DLGAP2: variants seen among roughly 807,000 people sequenced by gnomAD.
DLGAP2 encodes disks large-associated protein 2.
DLGAP2 carries 26 observed loss-of-function variants against 100.3 expected under a neutral mutation model. The observed-to-expected ratio is 0.26, with a 90% CI of 0.19 to 0.36. The LOEUF (loss-of-function observed/expected upper bound fraction) is 0.36, where lower values mean the gene tolerates loss of function less well. DLGAP2 is among the 10% of genes least tolerant of loss of function. The pLI is 1.00. For missense variants in DLGAP2, 1,858 were observed against 1,453.2 expected (o/e 1.28, Z -4.53); for synonymous variants, 886 against 630.1 (o/e 1.41, Z -6.08).
At chr8:1,092,022 C>T (rs907711477) in intron 2 of DLGAP2, among the ~76,000 whole-genome samples, 13 of 152,286 alleles carry the variant, frequency 8.5e-5, no homozygotes, top group Admixed American at 3.9e-4. Context: ...CAAAACACAG[C>T]GTCAGAGAGC....
At chr8:950,467 C>T (rs933260952) in intron 2 of DLGAP2, among the ~76,000 whole-genome samples, 1 of 152,110 alleles carries the variant, frequency 6.6e-6, no homozygotes. Flanking sequence ...TATGAAGGAA[C>T]ATTTGGTATA....
At chr8:822,975 G>A (rs1404735795) in intron 1 of DLGAP2, among the ~76,000 whole-genome samples, 2 of 152,146 alleles carry the variant, frequency 1.3e-5, no homozygotes, top group Non-Finnish European at 2.9e-5. Context: ...CATTTCACGA[G>A]ATTTGTCAAA....
At chr8:895,252 A>T (rs1798122812) in intron 1 of DLGAP2, among the ~76,000 whole-genome samples, 2 of 152,148 alleles carry the variant, frequency 1.3e-5, no homozygotes. Context: ...CAATGTATGC[A>T]GGACGGATAC....
intron 3 of DLGAP2, among the ~76,000 whole-genome samples, chr8:1,364,501 G>GTT (rs199581238): frequency 7.3e-6 from 1 of 137,532 alleles, no homozygotes; most frequent in Admixed American, 7.3e-5. Flanking sequence ...CATGGGAAGG[G>GTT]CGGGGGGGGT....
intron 3 of DLGAP2, among the ~76,000 whole-genome samples, chr8:1,270,237 C>A (rs1037908247): frequency 4.6e-5 from 7 of 152,102 alleles, no homozygotes; most frequent in South Asian, 2.1e-4. Flanking sequence ...GAGCTGTGAA[C>A]CGTATACACA....
At chr8:934,442 G>T (rs1211591092) in intron 2 of DLGAP2, among the ~76,000 whole-genome samples, 2 of 152,156 alleles carry the variant, frequency 1.3e-5, no homozygotes, top group Admixed American at 6.5e-5. Flanking sequence ...TGTCGGAGTC[G>T]ATCTATTTCC....
At chr8:1,076,501 C>T (rs112439626) in intron 2 of DLGAP2, among the ~76,000 whole-genome samples, 4 of 152,358 alleles carry the variant, frequency 2.6e-5, no homozygotes, top group African/African-American at 9.6e-5. Context: ...TCATGGCCCA[C>T]ACCTGGGTTG....
chr8:1,145,380 C>T (rs1202930752), intron 2 of DLGAP2, among the ~76,000 whole-genome samples: 3 of 152,178 alleles, frequency 2.0e-5, no homozygotes, highest in Non-Finnish European at 4.4e-5. Context: ...GCTGCGGTTC[C>T]ACTCGCCCAG....
intron 2 of DLGAP2, among the ~76,000 whole-genome samples, chr8:1,179,393 A>G (rs775752611): frequency 1.3e-5 from 2 of 152,214 alleles, no homozygotes; most frequent in East Asian, 3.9e-4. Context: ...CTGACTGTGC[A>G]GTCGATGGAC....
intron 3 of DLGAP2, among the ~76,000 whole-genome samples, chr8:1,351,717 G>A (rs1329013568): frequency 4.9e-5 from 3 of 61,820 alleles, no homozygotes; most frequent in Non-Finnish European, 1.0e-4. Flanking sequence ...AGGCCATGCG[G>A]GTCCTGAGTG....
intron 3 of DLGAP2, among the ~76,000 whole-genome samples, chr8:1,464,623 T>C (rs557776639): frequency 4.6e-5 from 7 of 151,274 alleles, no homozygotes; most frequent in Non-Finnish European, 7.4e-5. Context: ...AGCTAGTCAC[T>C]GTCTCCAATG....
At chr8:1,135,277 T>G (rs552065408) in intron 2 of DLGAP2, among the ~76,000 whole-genome samples, 39 of 152,294 alleles carry the variant, frequency 2.6e-4, no homozygotes, top group African/African-American at 8.9e-4. Context: ...AAGGAAAACC[T>G]TTGTCCCCAA....
intron 2 of DLGAP2, chr8:1,250,665 C>G (rs908719195): frequency 6.6e-6 from 1 of 151,956 alleles, no homozygotes; most frequent in Non-Finnish European, 1.5e-5. Context: ...TTGTTCCTAC[C>G]GTTCATTGCT....
At chr8:1,186,215 A>T (rs551603843) in intron 2 of DLGAP2, among the ~76,000 whole-genome samples, 1 of 152,360 alleles carries the variant, frequency 6.6e-6, no homozygotes, top group African/African-American at 2.4e-5. Context: ...GCAGCGCTGC[A>T]GTCTGTGGTA....
intron 2 of DLGAP2, among the ~76,000 whole-genome samples, chr8:933,434 G>T (rs947068937): frequency 7.0e-5 from 10 of 142,648 alleles, no homozygotes; most frequent in African/African-American, 2.7e-4. Context: ...TGGACATCTG[G>T]CTGTGGGCAC....
chr8:1,069,217 C>A (rs531977557), intron 2 of DLGAP2, among the ~76,000 whole-genome samples: 13 of 152,136 alleles, frequency 8.5e-5, no homozygotes, highest in African/African-American at 2.9e-4. Flanking sequence ...CTTGTTTAAA[C>A]TGAAAAGAAG....
At chr8:998,004 T>G (rs578118949) in intron 2 of DLGAP2, among the ~76,000 whole-genome samples, 1 of 149,904 alleles carries the variant, frequency 6.7e-6, no homozygotes, top group African/African-American at 2.4e-5. Context: ...CACACAAACA[T>G]GCATAGACAT....
Position 831,492 on chromosome 8 carries a change from T to G in DLGAP2, c.19-76420T>G, listed in dbSNP as rs182414328. On this transcript the variant is annotated intron_variant, in intron 1 of 14. Coordinates refer to ENST00000637795, the MANE Select transcript of DLGAP2 (RefSeq NM_001346810.2). ...TTGGTTTTCTGTCCTTGTGATAGTTTGCTGAGAATGATGGTTTCCAGCTTC... is the reference window on the plus strand; with the variant it reads ...TTGGTTTTCTGTCCTTGTGATAGTTGGCTGAGAATGATGGTTTCCAGCTTC... Among the ~76,000 whole-genome samples, 552 of 152,288 alleles carry G rather than the reference T, an allele frequency of 3.6e-3. 4 individuals carry two copies. The highest frequency in any genetic ancestry group is 0.013 in the African/African-American group (533 of 41,546).
chr8:1,097,937 T>G (rs1804441869), intron 2 of DLGAP2, among the ~76,000 whole-genome samples: 1 of 150,108 alleles, frequency 6.7e-6, no homozygotes, highest in South Asian at 2.1e-4. Flanking sequence ...TAGGGCAGGC[T>G]TTTGCACCAT....
Sources: gnomAD v4.1 joint callset for allele counts (sites outside exome capture counted in the v4.1 genomes callset) on GRCh38, gnomAD v4.1.1 for gene constraint, MANE v1.5 for transcripts, NCBI Gene and HGNC (gene_info 2026-07-23, HGNC 2026-07-21) for gene names.